PLCE1: variants seen among roughly 807,000 people sequenced by gnomAD.
PLCE1 encodes phospholipase C epsilon 1.
PLCE1 carries 119 observed loss-of-function variants against 242.8 expected under a neutral mutation model. That is an observed-to-expected ratio of 0.49 (90% CI 0.42 to 0.57). The LOEUF (loss-of-function observed/expected upper bound fraction) is 0.57, where lower values mean the gene tolerates loss of function less well. Among genes scored for constraint, PLCE1 ranks in the 20% least tolerant of loss-of-function variants. The pLI, the probability that PLCE1 is intolerant of heterozygous loss-of-function variation, is 0.00. For synonymous variants in PLCE1, 945 were observed against 1,017.4 expected (o/e 0.93, Z 1.35); for missense variants, 2,441 against 2,788.8 (o/e 0.88, Z 2.81).
At chr10:94,297,622 A>AAAAAAAAAAAAAAAAAAAAAAG (rs1564873283) in intron 23 of PLCE1, among the ~76,000 whole-genome samples, 3 of 110,206 alleles carry the variant, frequency 2.7e-5, no homozygotes, top group Admixed American at 9.5e-5. Flanking sequence ...AAAAAAAAAA[A>AAAAAAAAAAAAAAAAAAAAAAG]AAAAAGTGCA....
intron 23 of PLCE1, among the ~76,000 whole-genome samples, chr10:94,295,913 A>G (rs1336939480): frequency 6.6e-6 from 1 of 152,208 alleles, no homozygotes; most frequent in East Asian, 1.9e-4. Flanking sequence ...AGAATGGTCC[A>G]TGAGCATTGG....
intron 19 of PLCE1, among the ~76,000 whole-genome samples, chr10:94,277,614 C>T (rs1482853629): frequency 1.3e-5 from 2 of 152,138 alleles, no homozygotes; most frequent in Admixed American, 6.5e-5. Context: ...CAGCCCTTGG[C>T]GTCATCATTC....
intron 3 of PLCE1, among the ~76,000 whole-genome samples, chr10:94,153,884 C>T (rs917684765): frequency 1.3e-5 from 2 of 152,112 alleles, no homozygotes; most frequent in African/African-American, 2.4e-5. Context: ...AAGACCTAAA[C>T]GAATGGAAAG....
intron 2 of PLCE1, among the ~76,000 whole-genome samples, chr10:94,066,608 G>T (rs763372096): frequency 6.6e-6 from 1 of 152,042 alleles, no homozygotes; most frequent in Non-Finnish European, 1.5e-5. Context: ...TTCCTTGGAC[G>T]CTCCCCCTCA....
chr10:94,126,930 T>A (rs1446035336), intron 2 of PLCE1, among the ~76,000 whole-genome samples: 1 of 152,162 alleles, frequency 6.6e-6, no homozygotes, highest in Non-Finnish European at 1.5e-5. Context: ...TGTTGGGCTT[T>A]GAGTGTGACA....
intron 2 of PLCE1, among the ~76,000 whole-genome samples, chr10:94,050,355 T>A (rs974517266): frequency 8.6e-5 from 13 of 151,974 alleles, no homozygotes; most frequent in African/African-American, 3.1e-4. Context: ...AACCATCAGA[T>A]CTTATGAGAA....
chr10:94,304,263 G>A (rs1485927917), intron 24 of PLCE1, among the ~76,000 whole-genome samples: 4 of 152,198 alleles, frequency 2.6e-5, no homozygotes, highest in Admixed American at 6.5e-5. Flanking sequence ...CAGAGGGACA[G>A]GAATTTTTCT....
intron 3 of PLCE1, among the ~76,000 whole-genome samples, chr10:94,150,178 C>T (rs1223635): frequency 0.66 from 100,220 of 152,132 alleles, 36,353 homozygotes; most frequent in Non-Finnish European, 0.8. Context: ...ACTACGGCCC[C>T]GCCGCTGTGC....
intron 2 of PLCE1, among the ~76,000 whole-genome samples, chr10:94,120,346 C>T (rs1308334649): frequency 1.3e-5 from 2 of 152,180 alleles, no homozygotes; most frequent in African/African-American, 2.4e-5. Context: ...TACTGGTTGT[C>T]TTAAACAGCT....
chr10:94,011,370 A>G (rs2061163182), intron 1 of PLCE1, among the ~76,000 whole-genome samples: 2 of 152,166 alleles, frequency 1.3e-5, no homozygotes, highest in Non-Finnish European at 2.9e-5. Context: ...AATACACTCC[A>G]TGATACAGTA....
At chr10:94,242,473 G>A (rs1415884819) in intron 7 of PLCE1, among the ~76,000 whole-genome samples, 2 of 152,136 alleles carry the variant, frequency 1.3e-5, no homozygotes, top group East Asian at 3.9e-4. Context: ...ACCACGCCCA[G>A]CTAATTTTTG....
At chr10:94,233,313 G>A (rs902357581) in intron 5 of PLCE1, among the ~76,000 whole-genome samples, 1 of 152,212 alleles carries the variant, frequency 6.6e-6, no homozygotes, top group Non-Finnish European at 1.5e-5. Context: ...TACAGAAGAG[G>A]TGAAAACAAT....
chr10:94,151,709 G>T (rs1415849821), intron 3 of PLCE1, among the ~76,000 whole-genome samples: 1 of 152,160 alleles, frequency 6.6e-6, no homozygotes, highest in African/African-American at 2.4e-5. Context: ...CTGAAAGGCT[G>T]CAAGGGGGCC....
At chr10:94,079,727 T>A (rs1354631462) in intron 2 of PLCE1, among the ~76,000 whole-genome samples, 1 of 152,246 alleles carries the variant, frequency 6.6e-6, no homozygotes, top group African/African-American at 2.4e-5. Context: ...TTCTGACTTC[T>A]GAATTTTTTT....
chr10:94,251,378 T>C (rs2050867976), intron 8 of PLCE1, among the ~76,000 whole-genome samples: 1 of 152,228 alleles, frequency 6.6e-6, no homozygotes, highest in African/African-American at 2.4e-5. Context: ...CTTTGTTTTT[T>C]GCATATGATC....
At chr10:94,073,816 A>G (rs546002874) in intron 2 of PLCE1, among the ~76,000 whole-genome samples, 1 of 152,336 alleles carries the variant, frequency 6.6e-6, no homozygotes, top group Admixed American at 6.5e-5. Flanking sequence ...AGAAGGCTTT[A>G]ATCGGTGCTG....
Position 94,330,593 on chromosome 10 carries a change from G to C in PLCE1, c.*2650G>C, listed in dbSNP as rs543220425. ...AAATCCCAGCTATTGGGGAGGCTGA[G>C]GCAGGAGAGAATTGCCTGAACTCAA... On this transcript the variant is annotated 3_prime_UTR_variant, in exon 33 of 33. Transcript: ENST00000371380. 2 of 151,932 alleles carry C rather than the reference G, an allele frequency of 1.3e-5. No homozygotes were observed. Among genetic ancestry groups the C allele is most frequent in the Non-Finnish European group, 2.9e-5 (2 of 68,012 alleles). The allele number at this position is 151,932 out of a possible 1,614,324, so 9.4% of individuals were successfully genotyped here. A position where few individuals can be genotyped will look rare whatever the true frequency, so the allele number is the denominator to read the frequency against.
chr10:94,100,416 C>T (rs533274270), intron 2 of PLCE1: 4 of 152,258 alleles, frequency 2.6e-5, no homozygotes, highest in African/African-American at 9.6e-5. Flanking sequence ...AAACAGGACC[C>T]TGGGTAATAC....
chr10:94,074,536 G>A (rs978347275), intron 2 of PLCE1, among the ~76,000 whole-genome samples: 5 of 152,134 alleles, frequency 3.3e-5, no homozygotes, highest in African/African-American at 1.2e-4. Flanking sequence ...CATGCAATGT[G>A]AAATCCATTT....
Sources: allele counts gnomAD v4.1 joint callset (sites outside exome capture counted in the v4.1 genomes callset), GRCh38; gene constraint gnomAD v4.1.1; transcripts MANE v1.5; gene names NCBI Gene and HGNC (gene_info 2026-07-23, HGNC 2026-07-21).